The following DDX10 variants were observed in gnomAD, a reference collection of about 807,000 sequenced individuals.
The protein encoded by DDX10 is probable ATP-dependent RNA helicase DDX10.
Under a neutral mutation model 104.3 loss-of-function variants are expected in DDX10, and 74 were observed. The ratio of observed to expected loss-of-function variants is 0.71; its 90% confidence interval spans 0.59 to 0.86. The LOEUF is 0.86. DDX10 is among the 40% of genes least tolerant of loss of function. DDX10 has a pLI of 0.00. For synonymous variants in DDX10, 351 were observed against 353.4 expected (o/e 0.99, Z 0.08); for missense variants, 952 against 1,040.0 (o/e 0.92, Z 1.16).
At chr11:108,688,341 C>T (rs900192550) in intron 6 of DDX10, among the ~76,000 whole-genome samples, 1 of 152,116 alleles carries the variant, frequency 6.6e-6, no homozygotes, top group Non-Finnish European at 1.5e-5. Context: ...TACCTTATAC[C>T]AAACACCTAG....
intron 16 of DDX10, among the ~76,000 whole-genome samples, chr11:108,874,115 G>A (rs1217405520): frequency 6.6e-6 from 1 of 152,134 alleles, no homozygotes; most frequent in Non-Finnish European, 1.5e-5. Context: ...ATTCTGCAGT[G>A]TTTTACAGCC....
chr11:108,917,775 T>C, intron 16 of DDX10, 98 bp from the exon 17 acceptor site: 2 of 1,195,558 alleles, frequency 1.7e-6, no homozygotes, highest in Admixed American at 2.1e-5. Context: ...AATCTGTGGA[T>C]GTCAATTAGA....
chr11:108,682,331 C>T (rs545827352), intron 6 of DDX10, among the ~76,000 whole-genome samples: 1 of 152,276 alleles, frequency 6.6e-6, no homozygotes, highest in South Asian at 2.1e-4. Flanking sequence ...TCTCGAACTC[C>T]TAACCTCAGG....
Position 108,692,021 on chromosome 11 carries a change from T to C in DDX10, c.1121T>C (p.Ile374Thr), listed in dbSNP as rs759232661. The change falls in exon 8 of 18, where the codon ATT becomes ACT. Residue 374 changes from isoleucine (I) to threonine (T), a missense_variant. Ile to Thr is a moderately conservative substitution (Grantham distance 89, BLOSUM62 -1). Around this residue, in one of 3 missense-constraint regions of DDX10, gnomAD observed 412 missense variants for 479.2 expected, o/e 0.86. Coordinates refer to ENST00000322536, the MANE Select transcript of DDX10 (RefSeq NM_004398.4). ...GCTGCAGTACTCTTTGCTACTGATA[T>C]TGCAGCCAGGGGTCTGGGTAAGAAA... ...KRAAVLFATD[I>T]AARGLDFPAV... 67 of 1,610,514 alleles carry C rather than the reference T, an allele frequency of 4.2e-5. No individual in the cohort carries two copies. Among genetic ancestry groups the C allele is most frequent in the Non-Finnish European group, 5.5e-5 (65 of 1,178,462 alleles).
intron 13 of DDX10, among the ~76,000 whole-genome samples, chr11:108,731,212 A>G (rs1304285957): frequency 1.3e-5 from 2 of 151,874 alleles, no homozygotes; most frequent in East Asian, 3.9e-4. Flanking sequence ...CACCACACCC[A>G]GCTAATTTTT....
At chr11:108,689,214 T>G in intron 7 of DDX10, 152 bp downstream of exon 7, 1 of 767,390 alleles carries the variant, frequency 1.3e-6, no homozygotes, top group East Asian at 2.5e-5. Flanking sequence ...AATCCGTGGC[T>G]GAGACTTTCA....
rs144407964 is a variant in DDX10 at position 108,865,897 on chromosome 11, T to C, written c.2304+13688T>C. 8.3e-3 allele frequency among the ~76,000 whole-genome samples: 1,257 copies of C among 152,158 alleles called. 15 individuals carry two copies. Among genetic ancestry groups the C allele is most frequent in the South Asian group, 0.012 (59 of 4,808 alleles). On this transcript the variant is annotated intron_variant, in intron 16 of 17. Transcript: ENST00000322536. ...TACCATGATAGAGAAGTTTTGGGAG[T>C]TGTCTACATATGTAATGATTGAATC...
chr11:108,834,226 C>T (rs911788167), intron 13 of DDX10, among the ~76,000 whole-genome samples: 1 of 151,164 alleles, frequency 6.6e-6, no homozygotes, highest in African/African-American at 2.4e-5. Context: ...GCCTTGGCCT[C>T]CCCAAATGCT....
At chr11:108,876,522 G>C (rs977412228) in intron 16 of DDX10, among the ~76,000 whole-genome samples, 1 of 152,120 alleles carries the variant, frequency 6.6e-6, no homozygotes, top group African/African-American at 2.4e-5. Flanking sequence ...AAAATACTTA[G>C]GAAGGGAAAC....
intron 13 of DDX10, among the ~76,000 whole-genome samples, chr11:108,757,232 G>C (rs1399004273): frequency 6.6e-6 from 1 of 151,906 alleles, no homozygotes; most frequent in East Asian, 1.9e-4. Flanking sequence ...AGAAATGTTT[G>C]TTCTCTTTTC....
At chr11:108,835,578 G>A (rs943830041) in intron 13 of DDX10, among the ~76,000 whole-genome samples, 2 of 152,200 alleles carry the variant, frequency 1.3e-5, no homozygotes, top group South Asian at 4.1e-4. Flanking sequence ...AAGAAGCAGC[G>A]AAAGCAATAA....
At position 108,720,560 on chromosome 11, in the gene DDX10, T is replaced by G. The variant is rs540304765; in HGVS notation, c.1499+675T>G. Among the ~76,000 whole-genome samples, 11 of 152,282 alleles carry G rather than the reference T, an allele frequency of 7.2e-5. No homozygotes were observed. In the South Asian group the frequency reaches 2.3e-3, roughly 32 times the overall value. On this transcript the variant is annotated intron_variant, in intron 12 of 17. Coordinates refer to ENST00000322536, the MANE Select transcript of DDX10 (RefSeq NM_004398.4). ...GAGGTTACTATTGTATGAAACAGAA[T>G]GGCTGGTTTTGTTTTGGCTTAGTAT...
chr11:108,765,846 G>T (rs2094355787), intron 13 of DDX10, among the ~76,000 whole-genome samples: 2 of 152,308 alleles, frequency 1.3e-5, no homozygotes, highest in South Asian at 4.1e-4. Flanking sequence ...TGGACTAGAA[G>T]ATTAGGTTAG....
At chr11:108,671,938 GTAGCCCCAGCTAC>G (rs1281001316) in intron 1 of DDX10, among the ~76,000 whole-genome samples, 1 of 151,854 alleles carries the variant, frequency 6.6e-6, no homozygotes, top group African/African-American at 2.4e-5. Flanking sequence ...GTGGGCGCCT[GTAGCCCCAGCTAC>G]TTGGGAGGCT....
At chr11:108,840,420 A>T (rs892682847) in intron 14 of DDX10, among the ~76,000 whole-genome samples, 1 of 117,108 alleles carries the variant, frequency 8.5e-6, no homozygotes, top group Admixed American at 8.3e-5. Flanking sequence ...TAGATAAAAC[A>T]AGAGTTATTG....
intron 16 of DDX10, among the ~76,000 whole-genome samples, chr11:108,898,967 G>A (rs1021393603): frequency 2.0e-5 from 3 of 152,188 alleles, no homozygotes; most frequent in Non-Finnish European, 2.9e-5. Flanking sequence ...ATTTGCATGG[G>A]AGTCATACAA....
At chr11:108,821,315 T>C (rs376836703) in intron 13 of DDX10, among the ~76,000 whole-genome samples, 2 of 152,124 alleles carry the variant, frequency 1.3e-5, no homozygotes, top group East Asian at 1.9e-4. Flanking sequence ...TCTGGGATAG[T>C]AGGAAGGAGA....
chr11:108,799,530 T>C (rs143740513), intron 13 of DDX10, among the ~76,000 whole-genome samples: 9 of 152,220 alleles, frequency 5.9e-5, no homozygotes, highest in African/African-American at 2.2e-4. Context: ...TTCTTAGTTT[T>C]CCCAAGGTTG....
chr11:108,716,970 A>G (rs1158098512), intron 11 of DDX10, among the ~76,000 whole-genome samples: 1 of 152,126 alleles, frequency 6.6e-6, no homozygotes, highest in Non-Finnish European at 1.5e-5. Context: ...ATTCTTCGGT[A>G]AAAGATGTGA....
Sources: gnomAD v4.1 joint callset for allele counts (sites outside exome capture counted in the v4.1 genomes callset) on GRCh38, gnomAD v4.1.1 for gene constraint, gnomAD v4.1.1 regional missense constraint, MANE v1.5 for transcripts, NCBI Gene and HGNC (gene_info 2026-07-23, HGNC 2026-07-21) for gene names.